RHEB: variants seen among roughly 807,000 people sequenced by gnomAD.
RHEB encodes Ras homolog, mTORC1 binding, also known as GTP-binding protein Rheb.
RHEB carries 2 observed loss-of-function variants against 28.8 expected under a neutral mutation model. That is an observed-to-expected ratio of 0.07 (90% CI 0.03 to 0.22). The LOEUF (loss-of-function observed/expected upper bound fraction) is 0.22. Among genes scored for constraint, RHEB ranks in the 10% least tolerant of loss-of-function variants. The probability of loss-of-function intolerance (pLI) is 1.00; values close to 1 mark genes in which losing one functional copy is unlikely to be tolerated. For synonymous variants in RHEB, 69 were observed against 77.3 expected (o/e 0.89, Z 0.56); for missense variants, 76 against 219.9 (o/e 0.35, Z 4.14).
intron 7 of RHEB, 71 bp from the exon 8 acceptor site, chr7:151,467,282 G>T: frequency 8.5e-7 from 1 of 1,170,054 alleles, no homozygotes; most frequent in Non-Finnish European, 1.3e-6. Context: ...TACGGACTGA[G>T]GAGGGCGTGC....
At position 151,511,795 on chromosome 7, in the gene RHEB, C is replaced by T. The variant is rs371932209; in HGVS notation, c.52+7665G>A. On this transcript the variant is annotated intron_variant, in intron 1 of 7. Transcript: ENST00000262187. ...CCTCCCTAGTAGCTGGGATTACAGG[C>T]GCCCACCACCACGCCCAGCTAATTT... Among the ~76,000 whole-genome samples, 24 of 152,096 alleles carry T rather than the reference C, an allele frequency of 1.6e-4. 1 individual carries two copies. The highest frequency in any genetic ancestry group is 5.1e-4 in the African/African-American group (21 of 41,478).
chr7:151,485,173 T>A (rs1275373413), intron 2 of RHEB, among the ~76,000 whole-genome samples: 1 of 152,206 alleles, frequency 6.6e-6, no homozygotes, highest in African/African-American at 2.4e-5. Context: ...ACCACAAAAA[T>A]TTTCCATTAA....
chr7:151,514,869 C>T (rs1254598355), intron 1 of RHEB, among the ~76,000 whole-genome samples: 1 of 151,690 alleles, frequency 6.6e-6, no homozygotes, highest in Non-Finnish European at 1.5e-5. Context: ...AGGTTCCCAC[C>T]TCTACAAAAA....
At chr7:151,504,850 C>T (rs951244076) in intron 1 of RHEB, among the ~76,000 whole-genome samples, 1 of 151,698 alleles carries the variant, frequency 6.6e-6, no homozygotes, top group Non-Finnish European at 1.5e-5. Flanking sequence ...CTTGCCAAAA[C>T]CTGTTGAATG....
intron 1 of RHEB, among the ~76,000 whole-genome samples, chr7:151,516,997 T>C (rs929552816): frequency 1.3e-5 from 2 of 152,198 alleles, no homozygotes; most frequent in Non-Finnish European, 2.9e-5. Context: ...AGAAACCTGC[T>C]GGCAAAACCT....
chr7:151,493,884 T>C (rs917638360), intron 1 of RHEB, among the ~76,000 whole-genome samples: 1 of 151,746 alleles, frequency 6.6e-6, no homozygotes, highest in Non-Finnish European at 1.5e-5. Flanking sequence ...ACTGAAAAAT[T>C]AGAAGGAGTA....
Position 151,467,161 on chromosome 7 carries a change from G to A in RHEB, c.513C>T (p.Asp171=), listed in dbSNP as rs143352740. 6.3e-5 allele frequency: 101 copies of A among 1,613,468 alleles called. No homozygotes were observed. The highest frequency in any genetic ancestry group is 3.3e-4 in the Middle Eastern group (2 of 6,076). ...RRIILEAEKM[D]GAASQGKSSC... The stretch of plus-strand genomic sequence containing the variant: ...AAGACTTGCCTTGTGAAGCTGCCCC[G>A]TCCATTTTTTCTGCCTCCAAAATTA... Residue 171 remains aspartate (D), a synonymous_variant, in exon 8 of 8, where the codon GAC becomes GAT. Coordinates refer to ENST00000262187, the MANE Select transcript of RHEB (RefSeq NM_005614.4).
Position 151,474,903 on chromosome 7 carries a change from G to A in RHEB, c.275+2430C>T, listed in dbSNP as rs569850678. ...TTCTTGTATATTCATAAATATTTGTGTATTCAGCATATAGGTTTCTAAAAA... is the reference window on the plus strand; with the variant it reads ...TTCTTGTATATTCATAAATATTTGTATATTCAGCATATAGGTTTCTAAAAA... On this transcript the variant is annotated intron_variant, in intron 4 of 7. Transcript: ENST00000262187. Among the ~76,000 whole-genome samples, 21 of 152,254 alleles carry A rather than the reference G, an allele frequency of 1.4e-4. No individual in the cohort carries two copies. In the South Asian group the frequency reaches 3.3e-3, roughly 24 times the overall value.
chr7:151,502,526 G>C (rs1802791251), intron 1 of RHEB: 11 of 1,005,272 alleles, frequency 1.1e-5, no homozygotes, highest in Non-Finnish European at 1.8e-5. Flanking sequence ...CGTTGACTTT[G>C]AATCTTTCAA....
In RHEB at chr7:151,467,003, T is replaced by C. The variant is rs1802074928; in HGVS notation, c.*116A>G. On this transcript the variant is annotated 3_prime_UTR_variant, in exon 8 of 8. Coordinates refer to ENST00000262187, the MANE Select transcript of RHEB (RefSeq NM_005614.4). ...GAAGGGAGGGGAGCTCTGACCCAAATGATATCTTTCAGGTTAACAGAAGAA... is the reference window on the plus strand; with the variant it reads ...GAAGGGAGGGGAGCTCTGACCCAAACGATATCTTTCAGGTTAACAGAAGAA... The C allele has an allele frequency of 2.8e-6, 2 of 719,982 alleles. No individual in the cohort carries two copies. The highest frequency in any genetic ancestry group is 4.9e-6 in the Non-Finnish European group (2 of 411,208). The allele number at this position is 719,982 out of a possible 1,614,324, so 44.6% of individuals were successfully genotyped here. A position where few individuals can be genotyped will look rare whatever the true frequency, so the allele number is the denominator to read the frequency against.
intron 1 of RHEB, among the ~76,000 whole-genome samples, chr7:151,503,853 C>T (rs1269104231): frequency 3.9e-5 from 6 of 152,024 alleles, no homozygotes; most frequent in Non-Finnish European, 8.8e-5. Flanking sequence ...GAAGTGAGAT[C>T]ATACTGGTTT....
intron 4 of RHEB, 166 bp from the exon 5 acceptor site, chr7:151,471,771 T>C: frequency 1.7e-6 from 1 of 587,346 alleles, no homozygotes. Flanking sequence ...TCCATTCACA[T>C]GTGCATACAT....
chr7:151,475,108 C>T (rs1563092029), intron 4 of RHEB, among the ~76,000 whole-genome samples: 1 of 152,216 alleles, frequency 6.6e-6, no homozygotes, highest in Non-Finnish European at 1.5e-5. Flanking sequence ...TTGTCCTCTG[C>T]TTTGCACTAG....
chr7:151,497,078 G>A (rs999081198), intron 1 of RHEB, among the ~76,000 whole-genome samples: 7 of 151,670 alleles, frequency 4.6e-5, no homozygotes, highest in African/African-American at 1.2e-4. Flanking sequence ...ATGAGCCGCC[G>A]CACCCAGCCA....
At position 151,474,011 on chromosome 7, in the gene RHEB, A is replaced by T. The variant is rs567461236; in HGVS notation, c.276-2406T>A. On this transcript the variant is annotated intron_variant, in intron 4 of 7. Coordinates refer to ENST00000262187, the MANE Select transcript of RHEB (RefSeq NM_005614.4). ...GAAACCGAACCAGAAGTCATAATGG[A>T]CAAATCGTGGATGTAGTCATACTGA... Among the ~76,000 whole-genome samples the T allele has an allele frequency of 1.2e-4, 18 of 152,338 alleles. No homozygotes were observed. The South Asian group carries it at 3.7e-3, about 32-fold the overall frequency.
At chr7:151,471,489 G>C (rs955971264) in intron 5 of RHEB, 48 bp from the exon 6 acceptor site, 19 of 1,539,266 alleles carry the variant, frequency 1.2e-5, no homozygotes, top group Non-Finnish European at 1.4e-5. Context: ...AGATTGTATT[G>C]CTCAGAAGAT....
At chr7:151,493,120 C>T (rs975799624) in intron 1 of RHEB, among the ~76,000 whole-genome samples, 20 of 152,090 alleles carry the variant, frequency 1.3e-4, no homozygotes, top group South Asian at 2.1e-4. Context: ...GGATGACAGG[C>T]GTGAGCCACC....
At chr7:151,517,166 C>G (rs1242780224) in intron 1 of RHEB, among the ~76,000 whole-genome samples, 1 of 152,114 alleles carries the variant, frequency 6.6e-6, no homozygotes, top group Non-Finnish European at 1.5e-5. Context: ...GCGTTTGAGA[C>G]AAGCCTGACG....
intron 1 of RHEB, among the ~76,000 whole-genome samples, chr7:151,515,738 A>G (rs1234637054): frequency 6.6e-6 from 1 of 152,234 alleles, no homozygotes; most frequent in Non-Finnish European, 1.5e-5. Flanking sequence ...GAACAACCAA[A>G]TATTTAATGA....
Sources: allele counts gnomAD v4.1 joint callset (sites outside exome capture counted in the v4.1 genomes callset), GRCh38; gene constraint gnomAD v4.1.1; transcripts MANE v1.5; gene names NCBI Gene and HGNC (gene_info 2026-07-23, HGNC 2026-07-21).